The following LRSAM1 variants were observed in gnomAD, a reference collection of about 807,000 sequenced individuals.
LRSAM1 encodes leucine rich repeat and sterile alpha motif containing 1, also known as E3 ubiquitin-protein ligase LRSAM1.
LRSAM1 carries 96 observed loss-of-function variants against 118.1 expected under a neutral mutation model. That is an observed-to-expected ratio of 0.81 (90% CI 0.69 to 0.96). The LOEUF (loss-of-function observed/expected upper bound fraction) is 0.96, where lower values mean the gene tolerates loss of function less well. LRSAM1 is among the 40% of genes least tolerant of loss of function. The probability of loss-of-function intolerance (pLI) is 0.00; values close to 1 mark genes in which losing one functional copy is unlikely to be tolerated. For missense variants in LRSAM1, 804 were observed against 915.5 expected, an observed-to-expected ratio of 0.88 and a Z score of 1.57; for synonymous variants, 322 against 364.2, an observed-to-expected ratio of 0.88 and a Z score of 1.32.
chr9:127,461,194 C>T lies in LRSAM1; in HGVS notation c.343C>T (p.Gln115Ter). 1 of 1,611,914 alleles carries T rather than the reference C, an allele frequency of 6.2e-7. No individual in the cohort carries two copies. Among genetic ancestry groups the T allele is most frequent in the Non-Finnish European group, 8.5e-7 (1 of 1,178,484 alleles). Residue 115 changes from glutamine to a stop codon, truncating the protein, a stop_gained, in exon 8 of 26, where the codon CAA becomes TAA. Coordinates refer to ENST00000300417, the MANE Select transcript of LRSAM1 (RefSeq NM_001005373.4). LOFTEE classifies it high-confidence loss of function. ...ALQVLNVERN[Q>*]LMQLPRSIGN... ...TTAGGTCTTAAACGTGGAAAGGAAT[C>T]AACTGATGCAGCTCCCACGTTCCAT...
intron 10 of LRSAM1, among the ~76,000 whole-genome samples, chr9:127,470,051 C>A (rs961279816): frequency 4.6e-5 from 7 of 151,972 alleles, no homozygotes; most frequent in African/African-American, 7.2e-5. Flanking sequence ...CCATATACTG[C>A]AGGTGGGAAT....
intron 20 of LRSAM1, 64 bp from the exon 21 acceptor site, chr9:127,492,738 G>C (rs748430522): frequency 2.4e-4 from 358 of 1,469,176 alleles, no homozygotes; most frequent in Non-Finnish European, 3.1e-4. Context: ...TCTCCATCCT[G>C]CCACTGCGGG....
At chr9:127,478,996 T>C in intron 12 of LRSAM1, 33 bp downstream of exon 12, 1 of 1,597,542 alleles carries the variant, frequency 6.3e-7, no homozygotes, top group African/African-American at 1.3e-5. Context: ...CTGTCACTCT[T>C]TTCTCATTAA....
chr9:127,467,726 C>T lies in LRSAM1; in HGVS notation c.529-14C>T. 2 of 1,606,534 alleles carry T rather than the reference C, an allele frequency of 1.2e-6. No homozygotes were observed. The highest frequency in any genetic ancestry group is 1.7e-6 in the Non-Finnish European group (2 of 1,177,040). ...GGTAGCGAACAGTAAAGCGGGTTAC[C>T]CTTGTGTCTGCAGATGCTGAGCCTT... is the stretch of plus-strand genomic sequence containing the variant. On this transcript the variant is annotated splice_polypyrimidine_tract_variant and intron_variant, in intron 9 of 25. Transcript: ENST00000300417.
At chr9:127,480,209 G>A (rs1289229321) in intron 14 of LRSAM1, among the ~76,000 whole-genome samples, 3 of 152,204 alleles carry the variant, frequency 2.0e-5, no homozygotes, top group African/African-American at 4.8e-5. Context: ...TGGACCTGTG[G>A]CCTCGGGCAA....
At chr9:127,500,911 GCTCA>G in intron 24 of LRSAM1, 95 bp from the exon 25 acceptor site, 1 of 1,561,404 alleles carries the variant, frequency 6.4e-7, no homozygotes, top group Non-Finnish European at 8.8e-7. Flanking sequence ...CCACCCTCCA[GCTCA>G]CTCACCATGG....
At chr9:127,460,117 A>C (rs1834678088) in intron 7 of LRSAM1, among the ~76,000 whole-genome samples, 1 of 152,036 alleles carries the variant, frequency 6.6e-6, no homozygotes, top group African/African-American at 2.4e-5. Context: ...CCCCTGCCTC[A>C]GCCTCCTAAG....
chr9:127,502,997 CTCCCCCCTGCCCTGGGCCCCT>C lies in LRSAM1; in HGVS notation c.*104_*124del. On this transcript the variant is annotated 3_prime_UTR_variant, in exon 26 of 26. Coordinates refer to ENST00000300417, the MANE Select transcript of LRSAM1 (RefSeq NM_001005373.4). ...TTGTGCCAGCCAGACTCGTATGAGG[CTCCCCCCTGCCCTGGGCCCCT>C]TCCCCACTGCCCAGGAGCCCCCATC... 2 of 1,492,098 alleles carry C rather than the reference CTCCCCCCTGCCCTGGGCCCCT, an allele frequency of 1.3e-6. No individual in the cohort carries two copies. Among genetic ancestry groups the C allele is most frequent in the Non-Finnish European group, 1.8e-6 (2 of 1,104,110 alleles). 92.4% of individuals were successfully genotyped at this position (1,492,098 alleles called of 1,614,324 possible). A position where few individuals can be genotyped will look rare whatever the true frequency, so the allele number is the denominator to read the frequency against.
intron 11 of LRSAM1, 110 bp from the exon 12 acceptor site, chr9:127,478,824 G>A: frequency 9.8e-7 from 1 of 1,019,534 alleles, no homozygotes; most frequent in Non-Finnish European, 1.6e-6. Context: ...AGTGGTCTGG[G>A]GTGGGCCAGA....
Position 127,454,985 on chromosome 9 carries a change from T to C in LRSAM1, c.73-13T>C. On this transcript the variant is annotated splice_polypyrimidine_tract_variant and intron_variant, in intron 3 of 25. Transcript: ENST00000300417. ...TTGTCTTAATACTTTTTAAAAATTCTTTTTATCCTTAGGCAAAAGAAGCTG... is the reference window on the plus strand; with the variant it reads ...TTGTCTTAATACTTTTTAAAAATTCCTTTTATCCTTAGGCAAAAGAAGCTG... 1 of 1,613,890 alleles carries C rather than the reference T, an allele frequency of 6.2e-7. No individual in the cohort carries two copies.
intron 15 of LRSAM1, among the ~76,000 whole-genome samples, chr9:127,481,917 T>C (rs1483572133): frequency 6.7e-6 from 1 of 150,162 alleles, no homozygotes; most frequent in Non-Finnish European, 1.5e-5. Flanking sequence ...TAGCCAGGAG[T>C]GGTGGCAGGC....
chr9:127,479,616 C>T, intron 13 of LRSAM1, 111 bp downstream of exon 13: 1 of 1,508,550 alleles, frequency 6.6e-7, no homozygotes, highest in Non-Finnish European at 9.0e-7. Context: ...GAAGCTGTCA[C>T]TTCCTTCTGT....
chr9:127,481,357 A>G, intron 15 of LRSAM1, 130 bp downstream of exon 15: 2 of 913,150 alleles, frequency 2.2e-6, no homozygotes, highest in Non-Finnish European at 3.4e-6. Flanking sequence ...GGTCCAAGCA[A>G]TTCCCCTGCC....
chr9:127,459,164 G>A, intron 7 of LRSAM1, 93 bp downstream of exon 7: 1 of 1,256,598 alleles, frequency 8.0e-7, no homozygotes, highest in Non-Finnish European at 1.1e-6. Context: ...GCTCCAGCCA[G>A]TGGAAGCAGG....
At chr9:127,485,988 G>C in intron 17 of LRSAM1, 153 bp downstream of exon 17, 1 of 704,234 alleles carries the variant, frequency 1.4e-6, no homozygotes, top group East Asian at 2.7e-5. Flanking sequence ...TGCTCTTCCT[G>C]AGTTTTCTAG....
intron 24 of LRSAM1, among the ~76,000 whole-genome samples, chr9:127,498,610 C>T (rs574753076): frequency 2.0e-5 from 3 of 152,320 alleles, no homozygotes; most frequent in Non-Finnish European, 2.9e-5. Flanking sequence ...ATGCAGAAAA[C>T]GGATGCCTGG....
At chr9:127,482,033 C>T (rs930328280) in intron 15 of LRSAM1, among the ~76,000 whole-genome samples, 2 of 151,766 alleles carry the variant, frequency 1.3e-5, no homozygotes, top group African/African-American at 4.8e-5. Context: ...GAATAACCTG[C>T]AGCCATTAAA....
chr9:127,480,454 G>A (rs1835496763), intron 14 of LRSAM1, among the ~76,000 whole-genome samples: 1 of 152,160 alleles, frequency 6.6e-6, no homozygotes, highest in African/African-American at 2.4e-5. Context: ...GAGAAGTCTA[G>A]TGAGGGGGCC....
chr9:127,497,080 A>G (rs958504653), intron 23 of LRSAM1, among the ~76,000 whole-genome samples, 173 bp from the exon 24 acceptor site: 2 of 152,200 alleles, frequency 1.3e-5, no homozygotes, highest in African/African-American at 2.4e-5. Flanking sequence ...CCTCACAGCT[A>G]TGGTGCCGCA....
Sources: gnomAD v4.1 joint callset for allele counts (sites outside exome capture counted in the v4.1 genomes callset) on GRCh38, gnomAD v4.1.1 for gene constraint, MANE v1.5 for transcripts, NCBI Gene and HGNC (gene_info 2026-07-23, HGNC 2026-07-21) for gene names.